The following ADGRB3 variants were observed in gnomAD, a reference collection of about 807,000 sequenced individuals.
ADGRB3 encodes the protein brain-specific angiogenesis inhibitor 3.
ADGRB3 carries 37 observed loss-of-function variants against 193.4 expected under a neutral mutation model. The observed-to-expected ratio is 0.19, with a 90% CI of 0.15 to 0.25. The LOEUF is 0.25. Ranked by LOEUF, ADGRB3 falls within the 10% of genes least tolerant of loss-of-function variation. ADGRB3 has a pLI of 1.00. For synonymous variants in ADGRB3, 690 were observed against 644.2 expected, an observed-to-expected ratio of 1.07 and a Z score of -1.08; for missense variants, 1,637 against 1,852.9, an observed-to-expected ratio of 0.88 and a Z score of 2.14.
chr6:68,661,502 CATATATATGTGTGTATACAT>C (rs1323272627), intron 3 of ADGRB3, among the ~76,000 whole-genome samples: 1 of 81,542 alleles, frequency 1.2e-5, no homozygotes, highest in East Asian at 3.5e-4. Flanking sequence ...TGTGTGTATA[CATATATATGTGTGTATACAT>C]ATATATATGT....
intron 3 of ADGRB3, among the ~76,000 whole-genome samples, chr6:68,666,439 A>G (rs1410715152): frequency 6.6e-6 from 1 of 151,768 alleles, no homozygotes; most frequent in Non-Finnish European, 1.5e-5. Flanking sequence ...TCCTTTTTCA[A>G]TCCACTTGTC....
At chr6:68,721,716 T>C (rs1368439943) in intron 3 of ADGRB3, among the ~76,000 whole-genome samples, 1 of 148,916 alleles carries the variant, frequency 6.7e-6, no homozygotes, top group African/African-American at 2.5e-5. Flanking sequence ...AGCGCTCTGG[T>C]CTCCCCTAAA....
intron 16 of ADGRB3, among the ~76,000 whole-genome samples, chr6:69,070,220 A>C (rs1240781166): frequency 6.6e-6 from 1 of 152,198 alleles, no homozygotes; most frequent in African/African-American, 2.4e-5. Flanking sequence ...AAGGTACAAA[A>C]AAGTTCTGAA....
intron 29 of ADGRB3, among the ~76,000 whole-genome samples, chr6:69,366,407 G>A (rs1445650514): frequency 3.3e-5 from 5 of 152,016 alleles, no homozygotes; most frequent in Admixed American, 2.0e-4. Flanking sequence ...ATTAGTCAGT[G>A]GAATTTATTA....
intron 3 of ADGRB3, among the ~76,000 whole-genome samples, chr6:68,822,374 A>C (rs1243171818): frequency 1.3e-5 from 2 of 151,962 alleles, no homozygotes; most frequent in African/African-American, 2.4e-5. Flanking sequence ...TTTTATCAAA[A>C]CACAGTGATC....
At chr6:69,066,245 A>AT (rs1343905899) in intron 16 of ADGRB3, among the ~76,000 whole-genome samples, 2 of 151,568 alleles carry the variant, frequency 1.3e-5, no homozygotes, top group Non-Finnish European at 2.9e-5. Flanking sequence ...TTGCCTTCAA[A>AT]TTTTTTTAGA....
At chr6:69,373,442 G>A (rs554537299) in intron 30 of ADGRB3, among the ~76,000 whole-genome samples, 4 of 152,096 alleles carry the variant, frequency 2.6e-5, no homozygotes, top group South Asian at 2.1e-4. Context: ...AGGATAATTG[G>A]TTCTTTTCAG....
At chr6:68,711,309 C>T (rs1765405268) in intron 3 of ADGRB3, among the ~76,000 whole-genome samples, 1 of 152,076 alleles carries the variant, frequency 6.6e-6, no homozygotes, top group African/African-American at 2.4e-5. Flanking sequence ...AAACTGATTT[C>T]CAATCTCTAT....
intron 17 of ADGRB3, among the ~76,000 whole-genome samples, chr6:69,092,105 TC>T (rs940626611): frequency 2.0e-5 from 3 of 152,228 alleles, no homozygotes; most frequent in Non-Finnish European, 4.4e-5. Flanking sequence ...TCCAGAGACT[TC>T]TTCACCTTTG....
At chr6:68,662,359 A>T (rs2127289166) in intron 3 of ADGRB3, among the ~76,000 whole-genome samples, 1 of 151,708 alleles carries the variant, frequency 6.6e-6, no homozygotes, top group South Asian at 2.1e-4. Flanking sequence ...AAGAAAAATA[A>T]TCTAAGATAA....
At chr6:69,064,069 T>C (rs1480531876) in intron 16 of ADGRB3, among the ~76,000 whole-genome samples, 2 of 152,038 alleles carry the variant, frequency 1.3e-5, no homozygotes, top group African/African-American at 4.8e-5. Flanking sequence ...AAACTCACAT[T>C]CTTTTGGCTG....
In ADGRB3 at chr6:68,870,712, G is replaced by A. The variant is rs1765431577; in HGVS notation, c.758-59847G>A. Reference sequence around the variant, plus strand: ...CCACTTGCCCACTCTGTGATTCAGAGCAAGTTATTGAACATTTCTGAGATT... The same window carrying A: ...CCACTTGCCCACTCTGTGATTCAGAACAAGTTATTGAACATTTCTGAGATT... On this transcript the variant is annotated intron_variant, in intron 3 of 31. Transcript: ENST00000370598. 2.0e-5 allele frequency among the ~76,000 whole-genome samples: 3 copies of A among 152,162 alleles called. No individual in the cohort carries two copies. In the South Asian group the frequency reaches 6.2e-4, roughly 32 times the overall value.
At chr6:68,993,996 G>A in intron 11 of ADGRB3, 34 bp downstream of exon 11, 1 of 1,598,006 alleles carries the variant, frequency 6.3e-7, no homozygotes, top group Non-Finnish European at 8.6e-7. Context: ...GAAAGGGCTA[G>A]TGAAGATGCA....
intron 12 of ADGRB3, among the ~76,000 whole-genome samples, 161 bp from the exon 13 acceptor site, chr6:69,018,230 C>T (rs1284402078): frequency 1.3e-5 from 2 of 151,858 alleles, no homozygotes; most frequent in African/African-American, 2.4e-5. Flanking sequence ...TGATGTCATT[C>T]TCAACTATTA....
At chr6:68,656,527 A>G (rs753121258) in intron 3 of ADGRB3, among the ~76,000 whole-genome samples, 12 of 151,614 alleles carry the variant, frequency 7.9e-5, no homozygotes, top group Non-Finnish European at 1.6e-4. Context: ...TATTATTGCC[A>G]ACATAAACTT....
rs1009169404 is a variant in ADGRB3, at chr6:68,924,384, A to T, written c.758-6175A>T. On this transcript the variant is annotated intron_variant, in intron 3 of 31. Coordinates refer to ENST00000370598, the MANE Select transcript of ADGRB3 (RefSeq NM_001704.3). ...ACATTCTCATAAAATATTTCATTACATAATCTTCAAACAAATGTTTGAGGA... is the reference window on the plus strand; with the variant it reads ...ACATTCTCATAAAATATTTCATTACTTAATCTTCAAACAAATGTTTGAGGA... 5.3e-5 allele frequency among the ~76,000 whole-genome samples: 8 copies of T among 152,168 alleles called. No individual in the cohort carries two copies. In the East Asian group the frequency reaches 1.4e-3, roughly 26 times the overall value.
intron 3 of ADGRB3, among the ~76,000 whole-genome samples, chr6:68,649,298 T>C (rs1768289630): frequency 6.6e-6 from 1 of 152,164 alleles, no homozygotes; most frequent in South Asian, 2.1e-4. Flanking sequence ...GGGACCATCA[T>C]TTCAGATAAG....
intron 3 of ADGRB3, among the ~76,000 whole-genome samples, chr6:68,718,151 T>G (rs938066922): frequency 1.3e-5 from 2 of 151,742 alleles, no homozygotes. Context: ...TACTTTCTCT[T>G]AAATTATTAA....
chr6:68,824,946 C>T (rs946939164), intron 3 of ADGRB3, among the ~76,000 whole-genome samples: 11 of 152,136 alleles, frequency 7.2e-5, no homozygotes, highest in African/African-American at 1.9e-4. Context: ...CTCCGCCTCC[C>T]GGGTTCAAAG....
Sources: allele counts gnomAD v4.1 joint callset (sites outside exome capture counted in the v4.1 genomes callset), GRCh38; gene constraint gnomAD v4.1.1; transcripts MANE v1.5; gene names NCBI Gene and HGNC (gene_info 2026-07-23, HGNC 2026-07-21).